Variants in ZZEF1 observed in about 807,000 individuals in gnomAD.
ZZEF1 encodes zinc finger ZZ-type and EF-hand domain containing 1.
A neutral mutation model predicts 342.8 loss-of-function variants in ZZEF1; 157 were observed. That is an observed-to-expected ratio of 0.46 (90% CI 0.40 to 0.52). The LOEUF is 0.52. Among genes scored for constraint, ZZEF1 ranks in the 20% least tolerant of loss-of-function variants. The pLI, the probability that ZZEF1 is intolerant of heterozygous loss-of-function variation, is 0.00. For synonymous variants in ZZEF1, 1,505 were observed against 1,429.1 expected (o/e 1.05, Z -1.20); for missense variants, 3,480 against 3,725.6 (o/e 0.93, Z 1.72).
chr17:4,142,796 T>C lies in ZZEF1; in HGVS notation c.100A>G (p.Thr34Ala), dbSNP rs1161932875. 22 of 1,410,744 alleles carry C rather than the reference T, an allele frequency of 1.6e-5. No homozygotes were observed. Among genetic ancestry groups the C allele is most frequent in the Non-Finnish European group, 2.0e-5 (22 of 1,094,472 alleles). The allele number at this position is 1,410,744 out of a possible 1,614,324, so 87.4% of individuals were successfully genotyped here. A position where few individuals can be genotyped will look rare whatever the true frequency, so the allele number is the denominator to read the frequency against. ...HQDWAAVSGT[T>A]PGPGVAAPAL... ...GGAGCCGCGACGCCCGGGCCGGGGG[T>C]CGTGCCCGAGACCGCGGCCCAGTCC... is the stretch of plus-strand genomic sequence containing the variant. Residue 34 changes from threonine (T) to alanine (A), a missense_variant, in exon 1 of 55, where the codon ACC becomes GCC. Physicochemically the swap from Thr to Ala is moderately conservative, Grantham distance 58. Coordinates refer to ENST00000381638, the MANE Select transcript of ZZEF1 (RefSeq NM_015113.4).
chr17:4,114,261 A>G lies in ZZEF1; in HGVS notation c.866+38T>C, dbSNP rs769903658. ...AGGCAGTTAAGAAGAAAACAATCCAAAATTTTAAAAAACAAAAAAGTATTA... is the reference window on the plus strand; with the variant it reads ...AGGCAGTTAAGAAGAAAACAATCCAGAATTTTAAAAAACAAAAAAGTATTA... On this transcript the variant is annotated intron_variant, in intron 4 of 54. Transcript: ENST00000381638. The G allele has an allele frequency of 8.6e-5, 124 of 1,437,108 alleles. No homozygotes were observed. The South Asian group carries it at 2.0e-3, about 23-fold the overall frequency. 89.0% of individuals were successfully genotyped at this position (1,437,108 alleles called of 1,614,324 possible). A position where few individuals can be genotyped will look rare whatever the true frequency, so the allele number is the denominator to read the frequency against.
chr17:4,015,457 C>T (rs1270338146), intron 49 of ZZEF1, among the ~76,000 whole-genome samples: 2 of 152,232 alleles, frequency 1.3e-5, no homozygotes, highest in East Asian at 3.8e-4. Flanking sequence ...AGTTTTCTCT[C>T]CAACATTTTT....
chr17:4,044,442 C>G (rs2056867762), intron 37 of ZZEF1, 68 bp from the exon 38 acceptor site: 7 of 1,447,402 alleles, frequency 4.8e-6, no homozygotes, highest in African/African-American at 1.4e-5. Context: ...ATTATGATAA[C>G]TTTTTAATGA....
rs114205801 is a variant in ZZEF1 at position 4,027,267 on chromosome 17, C to T, written c.6893-2149G>A. Among the ~76,000 whole-genome samples, 685 of 143,974 alleles carry T rather than the reference C, an allele frequency of 4.8e-3. 7 individuals carry two copies. The highest frequency in any genetic ancestry group is 0.018 in the African/African-American group (654 of 37,282). 94.5% of individuals were successfully genotyped at this position (143,974 alleles called of 152,430 possible). A position where few individuals can be genotyped will look rare whatever the true frequency, so the allele number is the denominator to read the frequency against. On this transcript the variant is annotated intron_variant, in intron 42 of 54. Transcript: ENST00000381638. ...GCTGAGATTACAGGTATAAGACCTA[C>T]GCACCCAGCAATATCTCACTTTTTT...
At chr17:4,065,551 A>G (rs2145240312) in intron 28 of ZZEF1, among the ~76,000 whole-genome samples, 1 of 152,310 alleles carries the variant, frequency 6.6e-6, no homozygotes, top group African/African-American at 2.4e-5. Flanking sequence ...TTTATTGTAG[A>G]TGTTTTCAAA....
rs1248133799 is a variant in ZZEF1 at position 4,070,717 on chromosome 17, T to G, written c.4042A>C (p.Thr1348Pro). The change falls in exon 26 of 55, where the codon ACT becomes CCT. Residue 1348 changes from threonine (T) to proline (P), a missense_variant. Coordinates refer to ENST00000381638, the MANE Select transcript of ZZEF1 (RefSeq NM_015113.4). Reference sequence around the variant, plus strand: ...TGCAGCTTCTCATATAAATCTGGAGTGCGATACACCAGAGCAGCAAAGGTG... The same window carrying G: ...TGCAGCTTCTCATATAAATCTGGAGGGCGATACACCAGAGCAGCAAAGGTG... ...NATFAALVYR[T>P]PDLYEKLQKY... 6.2e-7 allele frequency: 1 copy of G among 1,614,020 alleles called. No homozygotes were observed. The highest frequency in any genetic ancestry group is 8.5e-7 in the Non-Finnish European group (1 of 1,179,998).
intron 33 of ZZEF1, 89 bp downstream of exon 33, chr17:4,056,127 G>T (rs2057154114): frequency 7.3e-7 from 1 of 1,363,066 alleles, no homozygotes; most frequent in Non-Finnish European, 9.6e-7. Flanking sequence ...GCCCTCTCAG[G>T]TAAGAGCCTG....
chr17:4,059,271 C>G lies in ZZEF1; in HGVS notation c.4903G>C (p.Gly1635Arg). The G allele has an allele frequency of 6.3e-7, 1 of 1,594,988 alleles. No homozygotes were observed. The highest frequency in any genetic ancestry group is 1.4e-5 in the African/African-American group (1 of 73,580). Residue 1635 changes from glycine (G) to arginine (R), a missense_variant, in exon 31 of 55, where the codon GGC (glycine) becomes CGC (arginine). By Grantham distance (125) the Gly-to-Arg change is moderately radical. Around this residue, in one of 5 missense-constraint regions of ZZEF1, gnomAD observed 1,528 missense variants for 1,624.1 expected, o/e 0.94. Coordinates refer to ENST00000381638, the MANE Select transcript of ZZEF1 (RefSeq NM_015113.4). ...DFTNYFGHLEGCGADLHKEIR... is the reference protein window; with the variant it reads ...DFTNYFGHLERCGADLHKEIR... ...TCTTTGTGTAGATCAGCACCACAGCCTTCCAGGTGTCCAAAATAACTAGAA... is the reference window on the plus strand; with the variant it reads ...TCTTTGTGTAGATCAGCACCACAGCGTTCCAGGTGTCCAAAATAACTAGAA...
intron 18 of ZZEF1, 82 bp from the exon 19 acceptor site, chr17:4,078,124 G>T: frequency 7.1e-7 from 1 of 1,399,516 alleles, no homozygotes; most frequent in Non-Finnish European, 9.6e-7. Context: ...TAAAGCAGCA[G>T]CTGTCACCAG....
At chr17:4,067,610 C>G (rs1163503968) in intron 26 of ZZEF1, among the ~76,000 whole-genome samples, 3 of 151,922 alleles carry the variant, frequency 2.0e-5, no homozygotes, top group Non-Finnish European at 2.9e-5. Context: ...AGTAAAAAAG[C>G]AGGTTATGAA....
intron 42 of ZZEF1, among the ~76,000 whole-genome samples, chr17:4,029,027 T>C (rs1158327017): frequency 3.9e-5 from 6 of 152,248 alleles, no homozygotes; most frequent in Non-Finnish European, 7.3e-5. Context: ...GAAACTTCTA[T>C]AGTCCTCTCT....
chr17:4,053,755 T>C (rs1214971485), intron 34 of ZZEF1, among the ~76,000 whole-genome samples: 1 of 152,246 alleles, frequency 6.6e-6, no homozygotes, highest in Non-Finnish European at 1.5e-5. Flanking sequence ...ATGTAAACAC[T>C]GCATGATTCA....
chr17:4,038,189 AT>A (rs2056717388), intron 39 of ZZEF1, among the ~76,000 whole-genome samples: 1 of 152,224 alleles, frequency 6.6e-6, no homozygotes, highest in Non-Finnish European at 1.5e-5. Context: ...TAAAGCTTTC[AT>A]GTGCTGCCGT....
intron 30 of ZZEF1, among the ~76,000 whole-genome samples, chr17:4,061,842 C>T (rs2057293371): frequency 6.6e-6 from 1 of 152,172 alleles, no homozygotes; most frequent in Non-Finnish European, 1.5e-5. Context: ...AAACCACCAT[C>T]ATTTCTTGCC....
intron 44 of ZZEF1, among the ~76,000 whole-genome samples, chr17:4,021,564 C>T (rs565384071): frequency 3.3e-5 from 5 of 152,318 alleles, no homozygotes; most frequent in African/African-American, 4.8e-5. Flanking sequence ...CAACTGCTAT[C>T]GTCCTTTTTA....
intron 30 of ZZEF1, among the ~76,000 whole-genome samples, chr17:4,060,536 G>A (rs907918937): frequency 2.1e-5 from 3 of 140,252 alleles, no homozygotes; most frequent in Non-Finnish European, 3.1e-5. Flanking sequence ...GTGACACAGC[G>A]AAACTCTTGT....
At chr17:4,049,347 A>G (rs1175855742) in intron 37 of ZZEF1, among the ~76,000 whole-genome samples, 2 of 152,052 alleles carry the variant, frequency 1.3e-5, no homozygotes, top group Non-Finnish European at 2.9e-5. Flanking sequence ...CCCTGTCTCT[A>G]CAAAAAATAC....
chr17:4,060,543 T>G (rs1597830084), intron 30 of ZZEF1, among the ~76,000 whole-genome samples: 1 of 94,998 alleles, frequency 1.1e-5, no homozygotes, highest in South Asian at 3.0e-4. Flanking sequence ...AGCGAAACTC[T>G]TGTCTCAAGA....
At position 4,016,215 on chromosome 17, in the gene ZZEF1, C is replaced by G; in HGVS notation, c.8145+108G>C. Reference sequence around the variant, plus strand: ...TCCTGGACAGGTCTCTGCTGTCCAGCGGGAGAGAGCCACAGAGGGGCTGAG... The same window carrying G: ...TCCTGGACAGGTCTCTGCTGTCCAGGGGGAGAGAGCCACAGAGGGGCTGAG... On this transcript the variant is annotated intron_variant, in intron 49 of 54. Transcript: ENST00000381638. The surrounding 1 kb of genome is among the most constrained non-coding windows in gnomAD (Gnocchi z 4.4). 1 of 1,362,664 alleles carries G rather than the reference C, an allele frequency of 7.3e-7. No homozygotes were observed. The highest frequency in any genetic ancestry group is 1.0e-6 in the Non-Finnish European group (1 of 1,000,786). 84.4% of individuals were successfully genotyped at this position (1,362,664 alleles called of 1,614,324 possible). A position where few individuals can be genotyped will look rare whatever the true frequency, so the allele number is the denominator to read the frequency against.
Sources: allele counts gnomAD v4.1 joint callset (sites outside exome capture counted in the v4.1 genomes callset), GRCh38; gene constraint gnomAD v4.1.1; regional missense constraint gnomAD v4.1.1; non-coding constraint Gnocchi (gnomAD v3.1); transcripts MANE v1.5; gene names NCBI Gene and HGNC (gene_info 2026-07-23, HGNC 2026-07-21).